Variants in MPRIP observed in about 807,000 individuals in gnomAD.
MPRIP encodes the protein myosin phosphatase Rho-interacting protein.
Under a neutral mutation model 234.9 loss-of-function variants are expected in MPRIP, and 59 were observed. The ratio of observed to expected loss-of-function variants is 0.25; its 90% CI spans 0.20 to 0.31. The LOEUF (loss-of-function observed/expected upper bound fraction) is 0.31. MPRIP is among the 10% of genes least tolerant of loss of function. The probability of loss-of-function intolerance (pLI) is 1.00; values close to 1 mark genes in which losing one functional copy is unlikely to be tolerated. For missense variants in MPRIP, 2,436 were observed against 3,071.0 expected (o/e 0.79, Z 4.89); for synonymous variants, 1,144 against 1,263.9 (o/e 0.91, Z 2.01).
chr17:17,127,389 A>G (rs1218224359), intron 4 of MPRIP, among the ~76,000 whole-genome samples: 2 of 152,232 alleles, frequency 1.3e-5, no homozygotes, highest in Non-Finnish European at 2.9e-5. Flanking sequence ...GAGTGGAGAG[A>G]ATGGGTAAGT....
chr17:17,155,678 AT>A (rs1459502260), intron 13 of MPRIP, among the ~76,000 whole-genome samples: 1 of 152,220 alleles, frequency 6.6e-6, no homozygotes, highest in East Asian at 1.9e-4. Flanking sequence ...TCATGACTTC[AT>A]TTATTAAACA....
chr17:17,055,130 A>T (rs754272639), intron 1 of MPRIP, among the ~76,000 whole-genome samples: 1 of 151,962 alleles, frequency 6.6e-6, no homozygotes, highest in Non-Finnish European at 1.5e-5. Context: ...ATTTAATGTT[A>T]GAGGCCACTT....
intron 3 of MPRIP, among the ~76,000 whole-genome samples, chr17:17,084,466 TAGATACC>T (rs1268213482): frequency 6.6e-6 from 1 of 152,208 alleles, no homozygotes. Context: ...CTCACAATGG[TAGATACC>T]ATGTCCATTT....
At position 17,192,307 on chromosome 17, in the gene MPRIP, C is replaced by T. The variant is rs1018565537; in HGVS notation, c.*7413C>T. On this transcript the variant is annotated 3_prime_UTR_variant, in exon 24 of 24. Coordinates refer to ENST00000651222, the MANE Select transcript of MPRIP (RefSeq NM_001364716.4). ...GAAGAAAGGGCTGAATGAGTACCGC[C>T]TCCCTAGGTTCCAGCACAGCGCTCG... is the stretch of plus-strand genomic sequence containing the variant. The T allele has an allele frequency of 6.6e-6, 1 of 151,900 alleles. No homozygotes were observed. The highest frequency in any genetic ancestry group is 2.4e-5 in the African/African-American group (1 of 41,350). The allele number at this position is 151,900 out of a possible 1,614,324, so 9.4% of individuals were successfully genotyped here.
chr17:17,095,465 C>G (rs1597795242), intron 3 of MPRIP, among the ~76,000 whole-genome samples: 1 of 152,188 alleles, frequency 6.6e-6, no homozygotes, highest in Admixed American at 6.5e-5. Flanking sequence ...TTTAGGAGGT[C>G]TTTCTCTTGG....
intron 3 of MPRIP, among the ~76,000 whole-genome samples, chr17:17,110,340 G>A (rs2090145776): frequency 6.6e-6 from 1 of 152,106 alleles, no homozygotes; most frequent in Non-Finnish European, 1.5e-5. Flanking sequence ...CCCAGCTTCA[G>A]GTATTCCCTT....
intron 16 of MPRIP, among the ~76,000 whole-genome samples, chr17:17,169,767 A>C (rs755505941): frequency 6.6e-6 from 1 of 152,268 alleles, no homozygotes; most frequent in African/African-American, 2.4e-5. Flanking sequence ...CGTTGGGGAC[A>C]GGGTCTTGGC....
intron 3 of MPRIP, chr17:17,096,648 C>A: frequency 2.4e-6 from 1 of 413,544 alleles, no homozygotes; most frequent in South Asian, 1.8e-5. Context: ...GTTGACTGGG[C>A]AGGTTCCACA....
chr17:17,082,817 A>G (rs1170446093), intron 3 of MPRIP, among the ~76,000 whole-genome samples: 1 of 152,266 alleles, frequency 6.6e-6, no homozygotes, highest in South Asian at 2.1e-4. Context: ...CTCTGTCTCT[A>G]TGAATTTGAC....
chr17:17,079,308 C>T (rs531944002), intron 3 of MPRIP, among the ~76,000 whole-genome samples: 2 of 152,314 alleles, frequency 1.3e-5, no homozygotes, highest in Non-Finnish European at 2.9e-5. Flanking sequence ...ATTTGTACAT[C>T]ATGATTAGAG....
At chr17:17,171,634 G>A (rs1354033633) in intron 16 of MPRIP, 84 bp from the exon 17 acceptor site, 6 of 1,527,714 alleles carry the variant, frequency 3.9e-6, no homozygotes, top group Non-Finnish European at 5.3e-6. Flanking sequence ...TGGACAGGGT[G>A]GGATTCCTGG....
intron 3 of MPRIP, among the ~76,000 whole-genome samples, chr17:17,086,740 A>T (rs1043431697): frequency 6.6e-6 from 1 of 152,256 alleles, no homozygotes; most frequent in Non-Finnish European, 1.5e-5. Flanking sequence ...GTTTGCTGAC[A>T]AGTGACACCC....
Position 17,174,021 on chromosome 17 carries a change from G to A in MPRIP, c.6696G>A (p.Arg2232=), listed in dbSNP as rs907402607. ...TGGCCCAGGCGCTGGAGGCCGAGCG[G>A]CAGGCCCTGCGGCAGTGCCAGCGTG... The part of the protein sequence containing the change: ...AHLAQALEAE[R]QALRQCQREN... Residue 2232 remains arginine, a synonymous_variant, in exon 19 of 24, where the codon CGG becomes CGA. Transcript: ENST00000651222. The A allele has an allele frequency of 8.1e-6, 13 of 1,613,396 alleles. No homozygotes were observed. The South Asian group carries it at 1.3e-4, about 16-fold the overall frequency.
At chr17:17,115,574 T>C (rs1359158160) in intron 3 of MPRIP, among the ~76,000 whole-genome samples, 2 of 152,224 alleles carry the variant, frequency 1.3e-5, no homozygotes, top group African/African-American at 2.4e-5. Context: ...TACAGGTCAT[T>C]GTCTTTGAGG....
In MPRIP at chr17:17,136,446, A is replaced by G. The variant is rs2090701188; in HGVS notation, c.732A>G (p.Lys244=). The G allele has an allele frequency of 1.2e-6, 2 of 1,609,000 alleles. No homozygotes were observed. Among genetic ancestry groups the G allele is most frequent in the Middle Eastern group, 1.6e-4 (1 of 6,078 alleles). The change falls in exon 6 of 24, where the codon AAA becomes AAG. Residue 244 remains lysine, a synonymous_variant. Transcript: ENST00000651222. The stretch of plus-strand genomic sequence containing the variant: ...TGCGGGAACCTGGGCTAGAGAGCAA[A>G]GAAGGTGAGCGGAGGCCAGGCTGGC... ...SSLREPGLES[K]EEESAMSSDR...
At chr17:17,128,351 A>G (rs1459673691) in intron 4 of MPRIP, among the ~76,000 whole-genome samples, 2 of 152,182 alleles carry the variant, frequency 1.3e-5, no homozygotes, top group South Asian at 2.1e-4. Flanking sequence ...GGACCAGCAC[A>G]TAGAGGTATG....
chr17:17,069,742 C>T (rs1037796240), intron 1 of MPRIP, among the ~76,000 whole-genome samples: 4 of 152,108 alleles, frequency 2.6e-5, no homozygotes, highest in Non-Finnish European at 5.9e-5. Flanking sequence ...ACTTCACATA[C>T]GTTTAGAACC....
intron 1 of MPRIP, among the ~76,000 whole-genome samples, chr17:17,074,417 C>T (rs898612461): frequency 1.3e-5 from 2 of 152,192 alleles, no homozygotes; most frequent in African/African-American, 4.8e-5. Context: ...AGCAGTGCCT[C>T]ACATTTGTTG....
At chr17:17,144,672 A>G (rs1179494132) in intron 9 of MPRIP, among the ~76,000 whole-genome samples, 1 of 152,230 alleles carries the variant, frequency 6.6e-6, no homozygotes, top group South Asian at 2.1e-4. Flanking sequence ...CCTGACCAAC[A>G]TGGTGAAACA....
Sources: allele counts gnomAD v4.1 joint callset (sites outside exome capture counted in the v4.1 genomes callset), GRCh38; gene constraint gnomAD v4.1.1; transcripts MANE v1.5; gene names NCBI Gene and HGNC (gene_info 2026-07-23, HGNC 2026-07-21).